NUP58: variants seen among roughly 807,000 people sequenced by gnomAD.
NUP58 encodes nucleoporin 58, also known as nucleoporin p58/p45.
In NUP58, 17 loss-of-function variants were observed where a neutral mutation model predicts 70.1. The ratio of observed to expected loss-of-function variants is 0.24; its 90% CI spans 0.17 to 0.36. The LOEUF (loss-of-function observed/expected upper bound fraction) is 0.36, where lower values mean the gene tolerates loss of function less well. NUP58 is among the 10% of genes least tolerant of loss of function. NUP58 has a pLI of 1.00. For missense variants in NUP58, 644 were observed against 701.5 expected (o/e 0.92, Z 0.93); for synonymous variants, 275 against 257.6 (o/e 1.07, Z -0.65).
chr13:25,304,158 C>T (rs1261175454), intron 1 of NUP58, among the ~76,000 whole-genome samples: 1 of 151,980 alleles, frequency 6.6e-6, no homozygotes, highest in African/African-American at 2.4e-5. Context: ...CTCAGTAAAT[C>T]TTAGCTATTA....
chr13:25,304,478 TTATATATATATATATA>T (rs67019897), intron 1 of NUP58, among the ~76,000 whole-genome samples: 1,053 of 83,416 alleles, frequency 0.013, 30 homozygotes, highest in Middle Eastern at 0.059. Context: ...GTTGTCAAGA[TTATATATATATATATA>T]TATATATATA....
At chr13:25,326,591 C>G (rs2137795908) in intron 10 of NUP58, among the ~76,000 whole-genome samples, 1 of 152,172 alleles carries the variant, frequency 6.6e-6, no homozygotes, top group Non-Finnish European at 1.5e-5. Context: ...CTTGCTTCCC[C>G]TAATGTTAAC....
At chr13:25,316,829 T>C (rs1053573356) in intron 6 of NUP58, among the ~76,000 whole-genome samples, 4 of 152,186 alleles carry the variant, frequency 2.6e-5, no homozygotes, top group Non-Finnish European at 4.4e-5. Flanking sequence ...CACATCTTCC[T>C]GCTTTCATAG....
In NUP58 at chr13:25,340,847, G is replaced by C. The variant is rs543183686; in HGVS notation, c.*713G>C. ...GCACGAGAATCACTTGAAGCCGGGA[G>C]GTGGGGGTTGCAGTGAGCCGAGATC... is the stretch of plus-strand genomic sequence containing the variant. On this transcript the variant is annotated 3_prime_UTR_variant, in exon 16 of 16. Transcript: ENST00000381736. 5.3e-5 allele frequency: 8 copies of C among 150,814 alleles called. No individual in the cohort carries two copies. Among genetic ancestry groups the C allele is most frequent in the African/African-American group, 2.0e-4 (8 of 40,890 alleles). The allele number at this position is 150,814 out of a possible 1,614,324, so 9.3% of individuals were successfully genotyped here.
At chr13:25,318,622 A>G (rs988852679) in intron 6 of NUP58, among the ~76,000 whole-genome samples, 2 of 152,244 alleles carry the variant, frequency 1.3e-5, no homozygotes, top group Admixed American at 1.3e-4. Flanking sequence ...TCATGAAAGA[A>G]GAAATATACT....
intron 3 of NUP58, among the ~76,000 whole-genome samples, chr13:25,347,978 A>G (rs2032069807): frequency 6.6e-6 from 1 of 152,226 alleles, no homozygotes; most frequent in Admixed American, 6.5e-5. Context: ...GATAATAAAC[A>G]TATTTTGTGG....
chr13:25,309,215 T>C lies in NUP58; in HGVS notation c.251-32T>C, dbSNP rs773019681. ...ACCTAAAGAATGTCATCTTCATTGA[T>C]GATTAAATTTTATTTCTCTTTTTGT... On this transcript the variant is annotated intron_variant, in intron 2 of 15. Coordinates refer to ENST00000381736, the MANE Select transcript of NUP58 (RefSeq NM_014089.4). 6 of 1,524,084 alleles carry C rather than the reference T, an allele frequency of 3.9e-6. No homozygotes were observed. The East Asian group carries it at 1.1e-4, about 29-fold the overall frequency. 94.4% of individuals were successfully genotyped at this position (1,524,084 alleles called of 1,614,324 possible).
Position 25,331,392 on chromosome 13 carries a change from G to C in NUP58, c.1269G>C (p.Met423Ile). 1 of 1,614,110 alleles carries C rather than the reference G, an allele frequency of 6.2e-7. No individual in the cohort carries two copies. Among genetic ancestry groups the C allele is most frequent in the Non-Finnish European group, 8.5e-7 (1 of 1,179,996 alleles). Residue 423 changes from methionine to isoleucine, a missense_variant, in exon 13 of 16, where the codon ATG becomes ATC. Met to Ile is a conservative substitution (Grantham distance 10). Coordinates refer to ENST00000381736, the MANE Select transcript of NUP58 (RefSeq NM_014089.4). ...LKEQYLGYRK[M>I]FLGDAVDVFE... ...AACAGTACCTTGGCTACAGGAAAAT[G>C]TTCTTGGGAGATGCTGTTGATGTGT... is the stretch of plus-strand genomic sequence containing the variant.
intron 13 of NUP58, chr13:25,335,380 C>T: frequency 1.0e-6 from 1 of 985,336 alleles, no homozygotes; most frequent in Non-Finnish European, 1.2e-6. Flanking sequence ...TAGGGTCTTC[C>T]ACCAGCAGTG....
At chr13:25,305,205 G>A (rs2030286532) in intron 1 of NUP58, among the ~76,000 whole-genome samples, 2 of 139,360 alleles carry the variant, frequency 1.4e-5, no homozygotes, top group South Asian at 2.3e-4. Flanking sequence ...ATGCAGTGGC[G>A]CAATCTCAGC....
intron 9 of NUP58, among the ~76,000 whole-genome samples, chr13:25,323,373 T>C (rs1279718376): frequency 3.3e-5 from 1 of 30,224 alleles, no homozygotes; most frequent in South Asian, 9.1e-3. Context: ...AAAAATAAAA[T>C]TAAATTAAAA....
intron 13 of NUP58, chr13:25,332,205 G>A (rs1217195964): frequency 1.1e-5 from 11 of 985,550 alleles, no homozygotes; most frequent in Admixed American, 6.1e-5. Context: ...TGCACATTAA[G>A]GAGCAACTGG....
intron 15 of NUP58, 189 bp downstream of exon 15, chr13:25,338,920 G>A: frequency 2.4e-6 from 1 of 409,150 alleles, no homozygotes. Context: ...GGGCAGGTTT[G>A]TAAAATACTT....
At chr13:25,333,986 G>A (rs961186145) in intron 13 of NUP58, 2 of 985,230 alleles carry the variant, frequency 2.0e-6, no homozygotes, top group Non-Finnish European at 2.4e-6. Context: ...GGTGGCTTCT[G>A]TATCTTTCTC....
chr13:25,342,935 A>G (rs953819159), downstream of NUP58, among the ~76,000 whole-genome samples: 1 of 152,060 alleles, frequency 6.6e-6, no homozygotes, highest in African/African-American at 2.4e-5. Context: ...ATATAGATTT[A>G]CTTTTTACAT....
At chr13:25,318,270 G>A (rs9553581) in intron 6 of NUP58, among the ~76,000 whole-genome samples, 1 of 152,058 alleles carries the variant, frequency 6.6e-6, no homozygotes, top group East Asian at 1.9e-4. Context: ...AGAGGTTGCA[G>A]TGAGCTGAGA....
intron 12 of NUP58, among the ~76,000 whole-genome samples, chr13:25,329,442 C>T (rs2031525249): frequency 1.3e-5 from 2 of 152,038 alleles, no homozygotes; most frequent in Admixed American, 1.3e-4. Context: ...GACCATAAAA[C>T]AGTGAGACCA....
intron 13 of NUP58, chr13:25,333,768 G>A: frequency 1.0e-6 from 1 of 985,310 alleles, no homozygotes; most frequent in Non-Finnish European, 1.2e-6. Context: ...TGTGACTTCT[G>A]TGAAATCTTT....
At chr13:25,319,254 T>A in intron 6 of NUP58, 72 bp from the exon 7 acceptor site, 1 of 1,261,676 alleles carries the variant, frequency 7.9e-7, no homozygotes, top group Non-Finnish European at 1.2e-6. Flanking sequence ...TTTGTGTTAA[T>A]TTAAAGCTTG....
Sources: allele counts gnomAD v4.1 joint callset (sites outside exome capture counted in the v4.1 genomes callset), GRCh38; gene constraint gnomAD v4.1.1; transcripts MANE v1.5; gene names NCBI Gene and HGNC (gene_info 2026-07-23, HGNC 2026-07-21).